The following MRTFA variants were observed in gnomAD, a reference collection of about 807,000 sequenced individuals.
MRTFA encodes the protein myocardin related transcription factor A.
A neutral mutation model predicts 83.5 loss-of-function variants in MRTFA; 20 were observed. That is an observed-to-expected ratio of 0.24 (90% CI 0.17 to 0.35). The LOEUF is 0.35. Among genes scored for constraint, MRTFA ranks in the 10% least tolerant of loss-of-function variants. The pLI is 1.00. For synonymous variants in MRTFA, 659 were observed against 541.2 expected (o/e 1.22, Z -3.02); for missense variants, 1,200 against 1,224.7 (o/e 0.98, Z 0.30).
intron 3 of MRTFA, among the ~76,000 whole-genome samples, chr22:40,474,891 TG>T (rs972899509): frequency 2.6e-5 from 4 of 152,102 alleles, no homozygotes; most frequent in Non-Finnish European, 5.9e-5. Flanking sequence ...CAGGCTGGAG[TG>T]CAGTGGCATG....
intron 1 of MRTFA, among the ~76,000 whole-genome samples, chr22:40,621,863 C>T (rs187712931): frequency 6.6e-5 from 10 of 152,238 alleles, no homozygotes; most frequent in African/African-American, 1.4e-4. Context: ...CTTCTGAAAC[C>T]GGAATTATCT....
At chr22:40,612,050 G>C (rs1009236372) in intron 1 of MRTFA, among the ~76,000 whole-genome samples, 1 of 152,206 alleles carries the variant, frequency 6.6e-6, no homozygotes, top group Non-Finnish European at 1.5e-5. Context: ...AGAAATGGTA[G>C]TTGAAACAGA....
At chr22:40,474,712 A>G (rs2053964328) in intron 3 of MRTFA, among the ~76,000 whole-genome samples, 1 of 152,254 alleles carries the variant, frequency 6.6e-6, no homozygotes. Context: ...GTGAGTTTAC[A>G]GTTTCATGAG....
chr22:40,450,519 A>G (rs1004936430), intron 4 of MRTFA, among the ~76,000 whole-genome samples: 3 of 151,926 alleles, frequency 2.0e-5, no homozygotes, highest in Non-Finnish European at 1.5e-5. Flanking sequence ...GCAGTGGTGC[A>G]ATCTGGGCTC....
chr22:40,545,861 G>C (rs1235998595), intron 3 of MRTFA, among the ~76,000 whole-genome samples: 3 of 151,380 alleles, frequency 2.0e-5, no homozygotes, highest in African/African-American at 7.3e-5. Flanking sequence ...AGCCTCCCAA[G>C]TAGCTGGGAT....
chr22:40,470,231 TTATATATA>T (rs71328709), intron 3 of MRTFA, among the ~76,000 whole-genome samples: 744 of 45,470 alleles, frequency 0.016, 19 homozygotes, highest in African/African-American at 0.047. Flanking sequence ...CTCCAAAATT[TTATATATA>T]TATATATATA....
At chr22:40,429,153 C>T (rs2053016421) in intron 7 of MRTFA, among the ~76,000 whole-genome samples, 1 of 152,204 alleles carries the variant, frequency 6.6e-6, no homozygotes, top group East Asian at 1.9e-4. Context: ...GTGGCCTTAG[C>T]ACCTAGCACA....
chr22:40,418,859 G>A lies in MRTFA; in HGVS notation c.1879C>T (p.Leu627=), dbSNP rs749100822. Residue 627 remains leucine, a synonymous_variant, in exon 12 of 15, where the codon CTG becomes TTG. Coordinates refer to ENST00000355630, the MANE Select transcript of MRTFA (RefSeq NM_020831.6). ...TCGATCTGCTTGTCTTTCTCCTGCA[G>A]CATCTGGTCCTTGTCGCGCCCCTCT... 18 of 1,612,272 alleles carry A rather than the reference G, an allele frequency of 1.1e-5. No homozygotes were observed. The highest frequency in any genetic ancestry group is 1.5e-5 in the Non-Finnish European group (18 of 1,179,840).
intron 4 of MRTFA, among the ~76,000 whole-genome samples, chr22:40,449,156 A>T (rs1602259423): frequency 1.3e-5 from 2 of 151,606 alleles, no homozygotes; most frequent in African/African-American, 4.8e-5. Context: ...AGTCCCAGCT[A>T]CTCTGGAGGC....
chr22:40,539,347 T>C (rs936656639), intron 3 of MRTFA, among the ~76,000 whole-genome samples: 11 of 150,990 alleles, frequency 7.3e-5, no homozygotes, highest in African/African-American at 2.4e-4. Flanking sequence ...CAATTTTTTT[T>C]TTTTTTTTTT....
At chr22:40,539,994 C>T (rs960882348) in intron 3 of MRTFA, among the ~76,000 whole-genome samples, 1 of 149,906 alleles carries the variant, frequency 6.7e-6, no homozygotes, top group African/African-American at 2.5e-5. Flanking sequence ...ACTGCAGCCT[C>T]GACCTCCCAG....
At chr22:40,431,571 C>T in intron 5 of MRTFA, 91 bp from the exon 6 acceptor site, 3 of 1,192,378 alleles carry the variant, frequency 2.5e-6, no homozygotes, top group Non-Finnish European at 3.7e-6. Flanking sequence ...GCCATGGTAG[C>T]TGCTGACCAC....
intron 4 of MRTFA, among the ~76,000 whole-genome samples, chr22:40,436,110 G>A (rs2053164794): frequency 6.6e-6 from 1 of 152,036 alleles, no homozygotes; most frequent in Admixed American, 6.5e-5. Flanking sequence ...CCTAAGCTTG[G>A]GCTATATAAA....
intron 3 of MRTFA, among the ~76,000 whole-genome samples, chr22:40,545,602 T>C (rs569412026): frequency 1.3e-5 from 2 of 151,582 alleles, no homozygotes; most frequent in East Asian, 3.9e-4. Flanking sequence ...CCGGCTAATC[T>C]TTGTATTTTT....
rs144888766 is a variant in MRTFA, at chr22:40,418,733, C to A, written c.2005G>T (p.Ala669Ser). ...TGCTTCACGGGGGTGCCGAGGGGGGCGGGGGCGGGGGCGGGCTGCTGGGCT... is the reference window on the plus strand; with the variant it reads ...TGCTTCACGGGGGTGCCGAGGGGGGAGGGGGCGGGGGCGGGCTGCTGGGCT... Residue 669 changes from alanine (A) to serine (S), a missense_variant, in exon 12 of 15, where the codon GCC becomes TCC. By Grantham distance (99) the Ala-to-Ser change is moderately conservative. This residue lies in a region of MRTFA where 1,107 missense variants were observed against 1,041.8 expected (regional missense o/e 1.06). Coordinates refer to ENST00000355630, the MANE Select transcript of MRTFA (RefSeq NM_020831.6). The A allele has an allele frequency of 2.3e-5, 3 of 133,288 alleles. No homozygotes were observed. The highest frequency in any genetic ancestry group is 1.5e-4 in the African/African-American group (2 of 13,536). The allele number at this position is 133,288 out of a possible 1,614,324, so 8.3% of individuals were successfully genotyped here. A position where few individuals can be genotyped will look rare whatever the true frequency, so the allele number is the denominator to read the frequency against.
intron 1 of MRTFA, among the ~76,000 whole-genome samples, chr22:40,613,956 T>C (rs2056417284): frequency 6.6e-6 from 1 of 151,724 alleles, no homozygotes; most frequent in South Asian, 2.1e-4. Context: ...TCCCAGCACT[T>C]TGGGAGGCCG....
chr22:40,425,326 G>A (rs2052931188), intron 7 of MRTFA, among the ~76,000 whole-genome samples: 1 of 152,240 alleles, frequency 6.6e-6, no homozygotes, highest in South Asian at 2.1e-4. Flanking sequence ...CAGGTTCTGA[G>A]CTGATCTGCC....
intron 1 of MRTFA, among the ~76,000 whole-genome samples, chr22:40,617,837 T>G (rs1307719052): frequency 2.0e-5 from 3 of 152,150 alleles, no homozygotes; most frequent in African/African-American, 7.2e-5. Flanking sequence ...AAATAAGAAT[T>G]CAATTCATTC....
intron 14 of MRTFA, chr22:40,415,396 C>T (rs892318730): frequency 1.3e-5 from 2 of 152,378 alleles, no homozygotes; most frequent in East Asian, 1.9e-4. Flanking sequence ...CACAGGAACA[C>T]CAGTGACTGA....
Sources: allele counts gnomAD v4.1 joint callset (sites outside exome capture counted in the v4.1 genomes callset), GRCh38; gene constraint gnomAD v4.1.1; regional missense constraint gnomAD v4.1.1; transcripts MANE v1.5; gene names NCBI Gene and HGNC (gene_info 2026-07-23, HGNC 2026-07-21).